Variants in NDST4 observed in about 807,000 individuals in gnomAD.
NDST4 encodes the protein N-heparan sulfate sulfotransferase 4.
In NDST4, 63 loss-of-function variants were observed where a neutral mutation model predicts 100.8. That is an observed-to-expected ratio of 0.62 (90% CI 0.51 to 0.77). NDST4 has a LOEUF of 0.77. Among genes scored for constraint, NDST4 ranks in the 30% least tolerant of loss-of-function variants. The pLI, the probability that NDST4 is intolerant of heterozygous loss-of-function variation, is 0.00. For missense variants in NDST4, 943 were observed against 1,018.4 expected (o/e 0.93, Z 1.01); for synonymous variants, 377 against 361.8 (o/e 1.04, Z -0.48).
intron 2 of NDST4, among the ~76,000 whole-genome samples, chr4:114,986,445 T>A (rs1485651375): frequency 1.3e-5 from 2 of 152,150 alleles, no homozygotes; most frequent in Non-Finnish European, 2.9e-5. Context: ...TGAAAGTGTG[T>A]AAGACGAGCT....
chr4:114,884,159 C>G (rs187207482), intron 6 of NDST4, among the ~76,000 whole-genome samples: 1 of 152,158 alleles, frequency 6.6e-6, no homozygotes, highest in Admixed American at 6.6e-5. Context: ...CCAGAGCTGA[C>G]GCTGGACTTT....
At chr4:114,997,637 A>T (rs532867541) in intron 2 of NDST4, among the ~76,000 whole-genome samples, 18 of 152,234 alleles carry the variant, frequency 1.2e-4, no homozygotes, top group African/African-American at 4.3e-4. Flanking sequence ...TTCCTGCAAG[A>T]TAGTAAAGGC....
chr4:114,891,599 C>T (rs1248235216), intron 6 of NDST4, among the ~76,000 whole-genome samples: 1 of 152,040 alleles, frequency 6.6e-6, no homozygotes, highest in Non-Finnish European at 1.5e-5. Context: ...CATTCTAATA[C>T]AGAGTCTTTT....
intron 6 of NDST4, among the ~76,000 whole-genome samples, chr4:114,927,387 A>T (rs532555541): frequency 6.6e-5 from 10 of 152,098 alleles, no homozygotes; most frequent in Non-Finnish European, 1.3e-4. Context: ...CTTCAACAAC[A>T]GGGAACTTAA....
chr4:115,046,298 A>G (rs1303328559), intron 2 of NDST4, among the ~76,000 whole-genome samples: 1 of 152,098 alleles, frequency 6.6e-6, no homozygotes, highest in Non-Finnish European at 1.5e-5. Flanking sequence ...CTCAGATTCT[A>G]CCTCTAGAGA....
chr4:115,106,019 G>A (rs958126148), intron 1 of NDST4, among the ~76,000 whole-genome samples: 5 of 151,990 alleles, frequency 3.3e-5, no homozygotes, highest in Admixed American at 2.6e-4. Flanking sequence ...CACTCTCTAA[G>A]CATTTCTGCC....
intron 1 of NDST4, among the ~76,000 whole-genome samples, chr4:115,079,710 T>C (rs931812994): frequency 2.6e-5 from 4 of 152,202 alleles, no homozygotes; most frequent in African/African-American, 9.7e-5. Flanking sequence ...GGATATTTTA[T>C]GGATTTCTTT....
chr4:115,014,930 T>G (rs1025099481), intron 2 of NDST4, among the ~76,000 whole-genome samples: 1 of 152,110 alleles, frequency 6.6e-6, no homozygotes, highest in Non-Finnish European at 1.5e-5. Flanking sequence ...GGCTACTAAA[T>G]TCTTACTTGG....
At chr4:114,926,000 T>G (rs1445883871) in intron 6 of NDST4, among the ~76,000 whole-genome samples, 1 of 152,094 alleles carries the variant, frequency 6.6e-6, no homozygotes, top group Non-Finnish European at 1.5e-5. Context: ...TTTTATAGGG[T>G]AGTGTCTCAA....
rs138532391 is a variant in NDST4, at chr4:114,890,187, G to T, written c.1537-19237C>A. On this transcript the variant is annotated intron_variant, in intron 6 of 13. Transcript: ENST00000264363. ...AATTTTGAGTAGTTAACAATGGAAAGCTCTGTTTTATAAAGTCTCTTGACA... is the reference window on the plus strand; with the variant it reads ...AATTTTGAGTAGTTAACAATGGAAATCTCTGTTTTATAAAGTCTCTTGACA... Among the ~76,000 whole-genome samples, 135 of 152,108 alleles carry T rather than the reference G, an allele frequency of 8.9e-4. 1 individual carries two copies. Among genetic ancestry groups the T allele is most frequent in the African/African-American group, 3.0e-3 (124 of 41,502 alleles).
Position 114,920,364 on chromosome 4 carries a change from T to C in NDST4, c.1536+14842A>G, listed in dbSNP as rs147315681. ...TTAAGTGAATTGCAGAATGGACTTC[T>C]AAAAATAAATTGCAGGAGGATGGCA... is the stretch of plus-strand genomic sequence containing the variant. On this transcript the variant is annotated intron_variant, in intron 6 of 13. Transcript: ENST00000264363. Among the ~76,000 whole-genome samples the C allele has an allele frequency of 8.5e-5, 13 of 152,316 alleles. No individual in the cohort carries two copies. In the East Asian group the frequency reaches 2.5e-3, roughly 29 times the overall value.
At chr4:114,965,404 T>C (rs1248163456) in intron 4 of NDST4, among the ~76,000 whole-genome samples, 1 of 152,118 alleles carries the variant, frequency 6.6e-6, no homozygotes, top group Non-Finnish European at 1.5e-5. Flanking sequence ...TTAATAGATT[T>C]GTGTTTTTAT....
intron 2 of NDST4, among the ~76,000 whole-genome samples, chr4:115,057,438 A>C (rs1359270918): frequency 6.6e-6 from 1 of 151,944 alleles, no homozygotes; most frequent in Non-Finnish European, 1.5e-5. Context: ...TGAGGAAAGG[A>C]GAGGAGGAGA....
chr4:115,013,531 T>G (rs781177710), intron 2 of NDST4, among the ~76,000 whole-genome samples: 7 of 151,728 alleles, frequency 4.6e-5, no homozygotes, highest in Non-Finnish European at 7.4e-5. Context: ...TTTTAGGGAC[T>G]ATAGAGACTG....
intron 2 of NDST4, among the ~76,000 whole-genome samples, chr4:115,022,305 AC>A (rs1190882776): frequency 3.4e-5 from 5 of 147,886 alleles, no homozygotes; most frequent in Non-Finnish European, 5.9e-5. Flanking sequence ...TATATGTTCC[AC>A]GTACATATGT....
intron 4 of NDST4, among the ~76,000 whole-genome samples, chr4:114,956,659 A>T (rs1025686903): frequency 7.2e-5 from 11 of 152,188 alleles, no homozygotes. Context: ...AAACATCAGG[A>T]AAGACAGTCA....
rs1428650595 is a variant in NDST4 at position 114,827,908 on chromosome 4, G to C, written c.2527C>G (p.Arg843Gly). The change falls in exon 14 of 14, where the codon CGA becomes GGA. Residue 843 changes from arginine to glycine, a missense_variant. Transcript: ENST00000264363. ...ESRTFLSNYY[R>G]DHNVELSKLL... The stretch of plus-strand genomic sequence containing the variant: ...TTGGATAGTTCCACATTATGATCTC[G>C]GTAGTAATTAGAGAGGAACGTTCTA... The C allele has an allele frequency of 1.2e-6, 2 of 1,608,110 alleles. No homozygotes were observed. Among genetic ancestry groups the C allele is most frequent in the East Asian group, 4.5e-5 (2 of 44,734 alleles).
intron 7 of NDST4, among the ~76,000 whole-genome samples, chr4:114,869,873 A>C (rs925918977): frequency 3.3e-5 from 5 of 152,154 alleles, no homozygotes; most frequent in African/African-American, 1.2e-4. Context: ...TATTTCTGAC[A>C]ATGTAGACAG....
intron 6 of NDST4, among the ~76,000 whole-genome samples, chr4:114,899,498 A>G (rs551368369): frequency 6.6e-6 from 1 of 152,032 alleles, no homozygotes; most frequent in East Asian, 1.9e-4. Flanking sequence ...TATTAAGTTG[A>G]GAAAGTCTCA....
Sources: allele counts gnomAD v4.1 joint callset (sites outside exome capture counted in the v4.1 genomes callset), GRCh38; gene constraint gnomAD v4.1.1; transcripts MANE v1.5; gene names NCBI Gene and HGNC (gene_info 2026-07-23, HGNC 2026-07-21).